The following NHSL1 variants were observed in gnomAD, a reference collection of about 807,000 sequenced individuals.
NHSL1 encodes NHS like 1.
A neutral mutation model predicts 95.0 loss-of-function variants in NHSL1; 48 were observed. That is an observed-to-expected ratio of 0.51 (90% confidence interval 0.40 to 0.64). The LOEUF (loss-of-function observed/expected upper bound fraction) is 0.64, where lower values mean the gene tolerates loss of function less well. Ranked by LOEUF, NHSL1 falls within the 30% of genes least tolerant of loss-of-function variation. The probability of loss-of-function intolerance (pLI) is 0.00; values close to 1 mark genes in which losing one functional copy is unlikely to be tolerated. For synonymous variants in NHSL1, 783 were observed against 833.9 expected (o/e 0.94, Z 1.05); for missense variants, 1,971 against 2,077.7 (o/e 0.95, Z 1.00).
At chr6:138,631,361 A>T (rs4131200) in intron 1 of NHSL1, among the ~76,000 whole-genome samples, 17,255 of 152,190 alleles carry the variant, frequency 0.11, 1,387 homozygotes, top group African/African-American at 0.23. Context: ...GGGCATGTGA[A>T]CTACTGGGAC....
intron 1 of NHSL1, among the ~76,000 whole-genome samples, chr6:138,623,930 G>A (rs1222703640): frequency 1.3e-5 from 2 of 152,104 alleles, no homozygotes; most frequent in South Asian, 2.1e-4. Context: ...GCTTGCATTC[G>A]CTCCATCCTG....
chr6:138,546,450 A>C (rs987613526), upstream of NHSL1, among the ~76,000 whole-genome samples: 7 of 144,136 alleles, frequency 4.9e-5, no homozygotes, highest in South Asian at 2.1e-4. Context: ...AAAAAAAAAA[A>C]AAAAAAAAAC....
intron 1 of NHSL1, among the ~76,000 whole-genome samples, chr6:138,670,288 T>C (rs1785347253): frequency 6.6e-6 from 1 of 150,828 alleles, no homozygotes; most frequent in Non-Finnish European, 1.5e-5. Context: ...AGCCAGAGAC[T>C]ACTAGACACC....
chr6:138,645,636 T>C (rs1422160096), intron 1 of NHSL1, among the ~76,000 whole-genome samples: 2 of 151,692 alleles, frequency 1.3e-5, no homozygotes, highest in Non-Finnish European at 2.9e-5. Context: ...GCCTTCCGAG[T>C]AGCTGGGACT....
chr6:138,666,590 C>CAA lies in NHSL1; in HGVS notation c.96+25884_96+25885dup, dbSNP rs10564684. Among the ~76,000 whole-genome samples, 549 of 89,048 alleles carry CAA rather than the reference C, an allele frequency of 6.2e-3. 3 individuals carry two copies. The highest frequency in any genetic ancestry group is 9.2e-3 in the Non-Finnish European group (421 of 45,994). The allele number at this position is 89,048 out of a possible 152,430, so 58.4% of individuals were successfully genotyped here. A position where few individuals can be genotyped will look rare whatever the true frequency, so the allele number is the denominator to read the frequency against. On this transcript the variant is annotated intron_variant, in intron 1 of 3. Coordinates refer to the NHSL1 transcript ENST00000491526. ...CTAGACACAGAGCAAGCCTCCATCT[C>CAA]AAAAAAAAAAAAAAAAAAAAAGAAG... is the stretch of plus-strand genomic sequence containing the variant.
intron 1 of NHSL1, among the ~76,000 whole-genome samples, chr6:138,565,521 T>A (rs981543762): frequency 1.3e-5 from 2 of 152,070 alleles, no homozygotes; most frequent in African/African-American, 4.8e-5. Context: ...GAAGTCCAAG[T>A]AAGAGCTGAT....
intron 1 of NHSL1, among the ~76,000 whole-genome samples, chr6:138,602,388 C>A (rs960046244): frequency 6.6e-6 from 1 of 152,162 alleles, no homozygotes; most frequent in Admixed American, 6.5e-5. Context: ...TGTCTTCAGG[C>A]TGGAGTGTAG....
intron 1 of NHSL1, among the ~76,000 whole-genome samples, chr6:138,628,082 G>A (rs963797055): frequency 6.6e-6 from 1 of 151,948 alleles, no homozygotes; most frequent in African/African-American, 2.4e-5. Context: ...GGAGGCCGAG[G>A]TGGGTGGATC....
intron 1 of NHSL1, among the ~76,000 whole-genome samples, chr6:138,617,353 C>A (rs1273159033): frequency 6.6e-6 from 1 of 152,148 alleles, no homozygotes; most frequent in African/African-American, 2.4e-5. Context: ...AGAGACCTCA[C>A]AGGGAAGAGG....
chr6:138,692,740 C>T (rs1785699053), upstream of NHSL1: 1 of 151,518 alleles, frequency 6.6e-6, no homozygotes, highest in Non-Finnish European at 1.5e-5. This position sits in a 1 kb window ranked among gnomAD's most constrained non-coding sequence, Gnocchi z 4.0. Flanking sequence ...CGCGCGGGCT[C>T]CAGGGTCCTC....
At chr6:138,547,260 A>G (rs1782834854), upstream of NHSL1, among the ~76,000 whole-genome samples, 1 of 151,956 alleles carries the variant, frequency 6.6e-6, no homozygotes, top group South Asian at 2.1e-4. Flanking sequence ...TACCATAAGG[A>G]AGTCACTGTA....
intron 1 of NHSL1, among the ~76,000 whole-genome samples, chr6:138,562,125 G>A (rs1260286724): frequency 6.6e-6 from 1 of 152,090 alleles, no homozygotes; most frequent in East Asian, 1.9e-4. Flanking sequence ...ACACATTTGT[G>A]TATATGAACA....
chr6:138,445,249 A>T lies in NHSL1; in HGVS notation c.532+1752T>A, dbSNP rs190373196. 5.6e-4 allele frequency among the ~76,000 whole-genome samples: 85 copies of T among 152,292 alleles called. 1 individual carries two copies. Among genetic ancestry groups the T allele is most frequent in the African/African-American group, 2.0e-3 (83 of 41,572 alleles). ...TCATTGCACAATCTTCTTATCTTAT[A>T]ATATTATTTCATAGGCACTTAATTA... is the stretch of plus-strand genomic sequence containing the variant. On this transcript the variant is annotated intron_variant, in intron 4 of 7. Transcript: ENST00000343505.
Position 138,692,110 on chromosome 6 carries a change from G to A in NHSL1, c.96+366C>T, listed in dbSNP as rs1403755630. ...TATTCTCCCCTGGCTTTTCCAACAG[G>A]CTACCTGCCTGTGACAGTTTTCCCA... On this transcript the variant is annotated intron_variant, in intron 1 of 3. Transcript: ENST00000491526. This position sits in a 1 kb window ranked among gnomAD's most constrained non-coding sequence, Gnocchi z 4.0. 1 of 455,380 alleles carries A rather than the reference G, an allele frequency of 2.2e-6. No homozygotes were observed. Among genetic ancestry groups the A allele is most frequent in the Non-Finnish European group, 4.4e-6 (1 of 226,912 alleles). 28.2% of individuals were successfully genotyped at this position (455,380 alleles called of 1,614,324 possible).
chr6:138,612,923 TTTAGTC>T (rs749114522), intron 1 of NHSL1, among the ~76,000 whole-genome samples: 1 of 152,172 alleles, frequency 6.6e-6, no homozygotes, highest in Non-Finnish European at 1.5e-5. Context: ...AGATACCACT[TTTAGTC>T]TTAGTCGGAC....
intron 1 of NHSL1, among the ~76,000 whole-genome samples, chr6:138,688,642 C>CA (rs1785619348): frequency 6.6e-6 from 1 of 151,580 alleles, no homozygotes; most frequent in African/African-American, 2.4e-5. Context: ...GGCTCCATCT[C>CA]AAAAAAATTA....
chr6:138,605,997 G>A (rs1784428608), intron 1 of NHSL1, among the ~76,000 whole-genome samples: 1 of 152,236 alleles, frequency 6.6e-6, no homozygotes. Context: ...AATAACTGGA[G>A]AGGTTTGCTG....
intron 1 of NHSL1, among the ~76,000 whole-genome samples, chr6:138,605,459 C>T (rs990064494): frequency 6.6e-6 from 1 of 152,178 alleles, no homozygotes; most frequent in South Asian, 2.1e-4. Context: ...ATTCTCACCC[C>T]CCACAAAAAA....
intron 1 of NHSL1, among the ~76,000 whole-genome samples, chr6:138,656,210 G>A (rs1785154353): frequency 6.6e-6 from 1 of 152,180 alleles, no homozygotes; most frequent in Non-Finnish European, 1.5e-5. Context: ...TGTCACCCAA[G>A]ACCTCTGATA....
Sources: gnomAD v4.1 joint callset for allele counts (sites outside exome capture counted in the v4.1 genomes callset) on GRCh38, gnomAD v4.1.1 for gene constraint, Gnocchi (gnomAD v3.1) non-coding constraint, MANE v1.5 for transcripts, NCBI Gene and HGNC (gene_info 2026-07-23, HGNC 2026-07-21) for gene names.